Variants in CEP290 observed in about 807,000 individuals in gnomAD.
The protein encoded by CEP290 is centrosomal protein of 290 kDa.
CEP290 carries 317 observed loss-of-function variants against 344.9 expected under a neutral mutation model. That is an observed-to-expected ratio of 0.92 (90% CI 0.84 to 1.01). The LOEUF is 1.01. CEP290 is among the 50% of genes least tolerant of loss of function. CEP290 has a pLI of 0.00. For missense variants in CEP290, 2,754 were observed against 2,761.4 expected (o/e 1.00, Z 0.06); for synonymous variants, 932 against 895.8 (o/e 1.04, Z -0.72).
In CEP290 at chr12:88,106,752, T is replaced by C. The variant is rs372321551; in HGVS notation, c.2740A>G (p.Asn914Asp). 1.8e-5 allele frequency: 29 copies of C among 1,611,304 alleles called. No homozygotes were observed. The highest frequency in any genetic ancestry group is 2.7e-5 in the African/African-American group (2 of 74,908). The change falls in exon 25 of 54, where the codon AAT becomes GAT. Residue 914 changes from asparagine to aspartate, a missense_variant. Asn to Asp is a conservative substitution (Grantham distance 23). Transcript: ENST00000552810. ...VELERQLRKE[N>D]EKQKNELLSM... Reference sequence around the variant, plus strand: ...AACAATTCATTCTTTTGCTTCTCATTTTCTTTTCTAAGTTGTCGCTCCAAT... The same window carrying C: ...AACAATTCATTCTTTTGCTTCTCATCTTCTTTTCTAAGTTGTCGCTCCAAT...
chr12:88,105,050 G>A (rs921567970), intron 25 of CEP290, among the ~76,000 whole-genome samples: 1 of 152,168 alleles, frequency 6.6e-6, no homozygotes, highest in African/African-American at 2.4e-5. Context: ...TGAGAGCAAT[G>A]ATGCCCAGTG....
At chr12:88,074,898 CT>C (rs2035645781) in intron 41 of CEP290, among the ~76,000 whole-genome samples, 1 of 152,212 alleles carries the variant, frequency 6.6e-6, no homozygotes, top group African/African-American at 2.4e-5. Flanking sequence ...CATATCTCTT[CT>C]TACACATCTC....
chr12:88,077,844 G>T lies in CEP290; in HGVS notation c.5439C>A (p.Asn1813Lys). Residue 1813 changes from asparagine to lysine, a missense_variant, in exon 40 of 54, where the codon AAC becomes AAA. By Grantham distance (94) the Asn-to-Lys change is moderately conservative. Coordinates refer to ENST00000552810, the MANE Select transcript of CEP290 (RefSeq NM_025114.4). ...EALKTSKNRE[N>K]SLTDNLNDLN... ...AGTCATTCAAATTATCAGTTAGTGA[G>T]TTTTCTCTGTTTTTACTTGTTTTAA... 1 of 1,475,968 alleles carries T rather than the reference G, an allele frequency of 6.8e-7. No homozygotes were observed. The highest frequency in any genetic ancestry group is 1.3e-5 in the South Asian group (1 of 79,394). The allele number at this position is 1,475,968 out of a possible 1,614,324, so 91.4% of individuals were successfully genotyped here. A position where few individuals can be genotyped will look rare whatever the true frequency, so the allele number is the denominator to read the frequency against.
In CEP290 at chr12:88,116,750, G is replaced by C. The variant is rs566729072; in HGVS notation, c.1824+283C>G. 3.3e-5 allele frequency among the ~76,000 whole-genome samples: 5 copies of C among 152,090 alleles called. No individual in the cohort carries two copies. In the East Asian group the frequency reaches 9.7e-4, roughly 29 times the overall value. On this transcript the variant is annotated intron_variant, in intron 18 of 53. Coordinates refer to ENST00000552810, the MANE Select transcript of CEP290 (RefSeq NM_025114.4). Reference sequence around the variant, plus strand: ...AGCACTTTGGGAGGCCGAGGCGGGCGGATCACGAGGTCAGAAGATCGAGAC... The same window carrying C: ...AGCACTTTGGGAGGCCGAGGCGGGCCGATCACGAGGTCAGAAGATCGAGAC...
chr12:88,087,396 C>T (rs2036661454), intron 32 of CEP290, among the ~76,000 whole-genome samples: 1 of 151,734 alleles, frequency 6.6e-6, no homozygotes, highest in Non-Finnish European at 1.5e-5. Flanking sequence ...GGAAGGTGCA[C>T]TTAATTAGAA....
Position 88,140,965 on chromosome 12 carries a change from T to C in CEP290, c.171A>G (p.Ser57=), listed in dbSNP as rs2138297496. The change falls in exon 3 of 54, where the codon TCA becomes TCG. Residue 57 remains serine (S), a synonymous_variant. Coordinates refer to ENST00000552810, the MANE Select transcript of CEP290 (RefSeq NM_025114.4). ...CCTACTACATACAAACCTTCATTAG[T>C]GACTGAGTAATTCTGAAAAGGTGTA... ...NVIHLFRITQ[S]LMKMKAQEVE... is the part of the protein sequence containing the mutation. 6.3e-7 allele frequency: 1 copy of C among 1,587,306 alleles called. No individual in the cohort carries two copies.
At position 88,139,557 on chromosome 12, in the gene CEP290, G is replaced by T; in HGVS notation, c.188C>A (p.Ala63Asp). 2 of 1,573,964 alleles carry T rather than the reference G, an allele frequency of 1.3e-6. No homozygotes were observed. The highest frequency in any genetic ancestry group is 1.7e-6 in the Non-Finnish European group (2 of 1,161,470). ...RITQSLMKMKAQEVELALEEV... is the reference protein window; with the variant it reads ...RITQSLMKMKDQEVELALEEV... ...TTCCAAAGCCAGCTCCACTTCTTGAGCTTTCATCTAAACATTAAAAAAAGG... is the reference window on the plus strand; with the variant it reads ...TTCCAAAGCCAGCTCCACTTCTTGATCTTTCATCTAAACATTAAAAAAAGG... The change falls in exon 4 of 54, where the codon GCT (alanine) becomes GAT (aspartate). Residue 63 changes from alanine to aspartate, a missense_variant. Ala to Asp is a moderately radical substitution (Grantham distance 126). Coordinates refer to ENST00000552810, the MANE Select transcript of CEP290 (RefSeq NM_025114.4).
intron 22 of CEP290, among the ~76,000 whole-genome samples, chr12:88,110,725 T>G (rs575796492): frequency 6.6e-6 from 1 of 152,094 alleles, no homozygotes; most frequent in Non-Finnish European, 1.5e-5. Context: ...AAAGTAGTTT[T>G]TACTTGTGAA....
chr12:88,136,418 T>C (rs2040355677), intron 6 of CEP290: 1 of 468,098 alleles, frequency 2.1e-6, no homozygotes, highest in Non-Finnish European at 3.7e-6. Flanking sequence ...GAGAAAAATG[T>C]ACTTCCAAAT....
intron 47 of CEP290, among the ~76,000 whole-genome samples, chr12:88,060,422 G>T (rs763019675): frequency 6.6e-6 from 1 of 152,158 alleles, no homozygotes; most frequent in Admixed American, 6.5e-5. Flanking sequence ...AGCCAGGCGT[G>T]GTGGTGGGCA....
chr12:88,087,767 T>C lies in CEP290; in HGVS notation c.4194+13A>G, dbSNP rs770347122. 1 of 804,674 alleles carries C rather than the reference T, an allele frequency of 1.2e-6. No individual in the cohort carries two copies. Among genetic ancestry groups the C allele is most frequent in the Non-Finnish European group, 1.7e-6 (1 of 594,694 alleles). The allele number at this position is 804,674 out of a possible 1,614,324, so 49.8% of individuals were successfully genotyped here. On this transcript the variant is annotated intron_variant, in intron 32 of 53. Transcript: ENST00000552810. ...AACTTAGGGAAAAAAATGAAATAAA[T>C]ATAAAATAAAACCTTGTTCTGTTGC...
intron 35 of CEP290, among the ~76,000 whole-genome samples, chr12:88,084,318 C>G (rs542067391): frequency 4.0e-5 from 2 of 50,424 alleles, no homozygotes; most frequent in East Asian, 5.6e-3. Flanking sequence ...CAATCCTCAC[C>G]TATAAACTCA....
In CEP290 at chr12:88,139,558, C is replaced by T; in HGVS notation, c.187G>A (p.Ala63Thr). ...TCCAAAGCCAGCTCCACTTCTTGAG[C>T]TTTCATCTAAACATTAAAAAAAGGT... is the stretch of plus-strand genomic sequence containing the variant. Reference protein sequence around the residue: ...RITQSLMKMKAQEVELALEEV... With the variant: ...RITQSLMKMKTQEVELALEEV... The change falls in exon 4 of 54, where the codon GCT becomes ACT. Residue 63 changes from alanine (A) to threonine (T), a missense_variant. Transcript: ENST00000552810. 2 of 1,576,142 alleles carry T rather than the reference C, an allele frequency of 1.3e-6. No individual in the cohort carries two copies. The highest frequency in any genetic ancestry group is 2.4e-5 in the South Asian group (2 of 83,178).
At chr12:88,066,345 T>G (rs2471505) in intron 44 of CEP290, among the ~76,000 whole-genome samples, 141,325 of 152,238 alleles carry the variant, frequency 0.93, 65,718 homozygotes, top group East Asian at 0.99. Flanking sequence ...TGTTGCCCAG[T>G]CTGGAGTGCA....
At chr12:88,082,013 A>G (rs1245748960) in intron 37 of CEP290, among the ~76,000 whole-genome samples, 8 of 152,230 alleles carry the variant, frequency 5.3e-5, no homozygotes, top group Non-Finnish European at 1.0e-4. Context: ...AAATAGTGTT[A>G]ATTCTGTCAG....
rs764551108 is a variant in CEP290 at position 88,117,147 on chromosome 12, T to A, written c.1712-2A>T. ...GGTTCAGGTCCTCAGTGGTTAATCC[T>A]ATATATAAGAGAATTAACAAACTAA... On this transcript the variant is annotated splice_acceptor_variant, in intron 17 of 53. Coordinates refer to ENST00000552810, the MANE Select transcript of CEP290 (RefSeq NM_025114.4). LOFTEE classifies it high-confidence loss of function. The A allele has an allele frequency of 7.1e-7, 1 of 1,414,478 alleles. No individual in the cohort carries two copies. The allele number at this position is 1,414,478 out of a possible 1,614,324, so 87.6% of individuals were successfully genotyped here.
In CEP290 at chr12:88,139,496, A is replaced by G. The variant is rs1357267883; in HGVS notation, c.249T>C (p.Phe83=). 3.1e-6 allele frequency: 5 copies of G among 1,599,062 alleles called. No individual in the cohort carries two copies. In the South Asian group the frequency reaches 5.7e-5, roughly 18 times the overall value. The change falls in exon 4 of 54, where the codon TTT becomes TTC. Residue 83 remains phenylalanine, a splice_region_variant and synonymous_variant. Transcript: ENST00000552810. ...VEKAGEEQAK[F]ENQLKTKVMK... is the part of the protein sequence containing the mutation. ...ATAAACTTTTTCCAAGGTGCTTACC[A>G]AATTTTGCTTGTTCTTCTCCAGCTT...
At position 88,096,944 on chromosome 12, in the gene CEP290, A is replaced by G; in HGVS notation, c.3047T>C (p.Ile1016Thr). 1 of 1,582,028 alleles carries G rather than the reference A, an allele frequency of 6.3e-7. No homozygotes were observed. Among genetic ancestry groups the G allele is most frequent in the Non-Finnish European group, 8.6e-7 (1 of 1,161,902 alleles). Reference sequence around the variant, plus strand: ...AATAGTGTGAAGTTTTTCCTTGGTAATCTCCAGTTCTTTATTTATAGACTC... The same window carrying G: ...AATAGTGTGAAGTTTTTCCTTGGTAGTCTCCAGTTCTTTATTTATAGACTC... ...QVESINKELE[I>T]TKEKLHTIEQ... Residue 1016 changes from isoleucine (I) to threonine (T), a missense_variant, in exon 27 of 54, where the codon ATT becomes ACT. Physicochemically the swap from Ile to Thr is moderately conservative, Grantham distance 89 (BLOSUM62 -1). Transcript: ENST00000552810.
intron 34 of CEP290, among the ~76,000 whole-genome samples, chr12:88,085,639 C>A (rs1413813364): frequency 1.3e-5 from 2 of 152,058 alleles, no homozygotes; most frequent in Non-Finnish European, 2.9e-5. Context: ...AAAGTAATTT[C>A]TAATTTACCT....
Sources: allele counts gnomAD v4.1 joint callset (sites outside exome capture counted in the v4.1 genomes callset), GRCh38; gene constraint gnomAD v4.1.1; transcripts MANE v1.5; gene names NCBI Gene and HGNC (gene_info 2026-07-23, HGNC 2026-07-21).